PSD4: variants seen among roughly 807,000 people sequenced by gnomAD.
PSD4 encodes the protein pleckstrin and Sec7 domain containing 4.
PSD4 carries 59 observed loss-of-function variants against 112.5 expected under a neutral mutation model. That is an observed-to-expected ratio of 0.52 (90% confidence interval 0.43 to 0.65). PSD4 has a LOEUF of 0.65. PSD4 is among the 30% of genes least tolerant of loss of function. The probability of loss-of-function intolerance (pLI) is 0.00; values close to 1 mark genes in which losing one functional copy is unlikely to be tolerated. For missense variants in PSD4, 1,267 were observed against 1,352.6 expected (o/e 0.94, Z 0.99); for synonymous variants, 533 against 540.0 (o/e 0.99, Z 0.18).
At chr2:113,176,897 G>A (rs745844846) in intron 1 of PSD4, among the ~76,000 whole-genome samples, 3 of 152,166 alleles carry the variant, frequency 2.0e-5, no homozygotes, top group Non-Finnish European at 4.4e-5. Context: ...CCCTCACCTG[G>A]GTGACCGGTA....
chr2:113,182,407 C>G lies in PSD4; in HGVS notation c.-50C>G. 1 of 1,488,856 alleles carries G rather than the reference C, an allele frequency of 6.7e-7. No individual in the cohort carries two copies. Among genetic ancestry groups the G allele is most frequent in the East Asian group, 2.3e-5 (1 of 43,970 alleles). The allele number at this position is 1,488,856 out of a possible 1,614,324, so 92.2% of individuals were successfully genotyped here. A position where few individuals can be genotyped will look rare whatever the true frequency, so the allele number is the denominator to read the frequency against. ...GCTCCCCCTAGTCCACACAGTGAGACCGTGAAAGCAGATGCTCCGGGGCAC... is the reference window on the plus strand; with the variant it reads ...GCTCCCCCTAGTCCACACAGTGAGAGCGTGAAAGCAGATGCTCCGGGGCAC... On this transcript the variant is annotated 5_prime_UTR_variant, in exon 2 of 17. Transcript: ENST00000245796.
In PSD4 at chr2:113,182,395, C is replaced by T. The variant is rs1688161670; in HGVS notation, c.-62C>T. On this transcript the variant is annotated 5_prime_UTR_variant, in exon 2 of 17. Transcript: ENST00000245796. Reference sequence around the variant, plus strand: ...CCAGCGGCCAGTGCTCCCCCTAGTCCACACAGTGAGACCGTGAAAGCAGAT... The same window carrying T: ...CCAGCGGCCAGTGCTCCCCCTAGTCTACACAGTGAGACCGTGAAAGCAGAT... The T allele has an allele frequency of 6.9e-7, 1 of 1,447,764 alleles. No homozygotes were observed. 89.7% of individuals were successfully genotyped at this position (1,447,764 alleles called of 1,614,324 possible). A position where few individuals can be genotyped will look rare whatever the true frequency, so the allele number is the denominator to read the frequency against.
At chr2:113,188,886 T>A (rs1688376821) in intron 5 of PSD4, among the ~76,000 whole-genome samples, 1 of 152,230 alleles carries the variant, frequency 6.6e-6, no homozygotes, top group Non-Finnish European at 1.5e-5. Context: ...CTTTTTAACT[T>A]GAATTTTCTT....
At chr2:113,186,407 T>C (rs1688301579) in intron 5 of PSD4, 152 bp downstream of exon 5, 3 of 877,278 alleles carry the variant, frequency 3.4e-6, no homozygotes, top group Non-Finnish European at 3.4e-6. Context: ...AGGAAGAGTT[T>C]TGAGAAAGAC....
At position 113,193,896 on chromosome 2, in the gene PSD4, C is replaced by T; in HGVS notation, c.2129C>T (p.Thr710Ile). The T allele has an allele frequency of 6.2e-7, 1 of 1,614,134 alleles. No homozygotes were observed. Among genetic ancestry groups the T allele is most frequent in the Non-Finnish European group, 8.5e-7 (1 of 1,180,020 alleles). Residue 710 changes from threonine (T) to isoleucine (I), a missense_variant, in exon 10 of 17, where the codon ACC becomes ATC. Thr to Ile is a moderately conservative substitution (Grantham distance 89). Transcript: ENST00000245796. ...AGCATGAGCTGCCAGGAATTCATAA[C>T]CAACCTGAATGGGCTGAGGGATGGC... Reference protein sequence around the residue: ...GKSMSCQEFITNLNGLRDGGN... With the variant: ...GKSMSCQEFIINLNGLRDGGN...
intron 11 of PSD4, 32 bp downstream of exon 11, chr2:113,195,802 C>A (rs1317477355): frequency 1.2e-6 from 2 of 1,613,620 alleles, no homozygotes; most frequent in South Asian, 2.2e-5. Flanking sequence ...CTCTCCCTCT[C>A]ACCCCTCTCC....
chr2:113,192,522 T>C lies in PSD4; in HGVS notation c.1771T>C (p.Leu591=). The change falls in exon 6 of 17, where the codon TTG becomes CTG. Residue 591 remains leucine (L), a synonymous_variant. Transcript: ENST00000245796. ...GVRNNKVAWN[L]ASRLYRLEGF... is the part of the protein sequence containing the mutation. ...CAGGAACAACAAGGTAGCCTGGAAC[T>C]TGGCCTCACGCCTCTATCGCCTGGA... The C allele has an allele frequency of 6.2e-7, 1 of 1,614,218 alleles. No homozygotes were observed. Among genetic ancestry groups the C allele is most frequent in the Non-Finnish European group, 8.5e-7 (1 of 1,180,038 alleles).
At chr2:113,199,641 C>A (rs539518296) in intron 16 of PSD4, among the ~76,000 whole-genome samples, 12 of 152,162 alleles carry the variant, frequency 7.9e-5, no homozygotes, top group Non-Finnish European at 1.8e-4. Context: ...ATGGATGGAG[C>A]TTGTCTTCCT....
At chr2:113,185,564 C>T (rs1688275008) in intron 4 of PSD4, 124 bp downstream of exon 4, 2 of 1,577,126 alleles carry the variant, frequency 1.3e-6, no homozygotes, top group Non-Finnish European at 8.6e-7. Flanking sequence ...TGTGTTTAAG[C>T]CAGACAGACT....
chr2:113,199,993 G>A (rs542073395), intron 16 of PSD4, among the ~76,000 whole-genome samples: 2 of 151,922 alleles, frequency 1.3e-5, no homozygotes, highest in Non-Finnish European at 2.9e-5. Flanking sequence ...ACCTGGATAA[G>A]TTTTGTATTT....
rs61756444 is a variant in PSD4 at position 113,183,471 on chromosome 2, G to A, written c.1015G>A (p.Glu339Lys). ...CTGCTGGGCCTCAGTGGCTGCCGCTGAGGGGGCTCCTGCAGCACCTCCTGG... is the reference window on the plus strand; with the variant it reads ...CTGCTGGGCCTCAGTGGCTGCCGCTAAGGGGGCTCCTGCAGCACCTCCTGG... ...SICWASVAAA[E>K]GAPAAPPGHG... Residue 339 changes from glutamate (E) to lysine (K), a missense_variant, in exon 2 of 17, where the codon GAG (glutamate) becomes AAG (lysine). Transcript: ENST00000245796. The A allele has an allele frequency of 6.2e-4, 991 of 1,590,984 alleles. 5 individuals are homozygous for A. In the African/African-American group the frequency reaches 0.011, roughly 18 times the overall value.
chr2:113,183,182 G>C lies in PSD4; in HGVS notation c.726G>C (p.Glu242Asp), dbSNP rs1349492763. Reference sequence around the variant, plus strand: ...CCCCACAGTGGGGAGCTGAGGAGGAGAGCATGTTCTTCAGCAACCCCCTCT... The same window carrying C: ...CCCCACAGTGGGGAGCTGAGGAGGACAGCATGTTCTTCAGCAACCCCCTCT... ...DSSPQWGAEE[E>D]SMFFSNPLFL... The change falls in exon 2 of 17, where the codon GAG (glutamate) becomes GAC (aspartate). Residue 242 changes from glutamate (E) to aspartate (D), a missense_variant. Coordinates refer to ENST00000245796, the MANE Select transcript of PSD4 (RefSeq NM_012455.3). The C allele has an allele frequency of 1.1e-5, 18 of 1,614,110 alleles. No individual in the cohort carries two copies. The highest frequency in any genetic ancestry group is 1.3e-5 in the Non-Finnish European group (15 of 1,180,054).
chr2:113,199,372 C>T, intron 16 of PSD4, 146 bp downstream of exon 16: 5 of 1,051,502 alleles, frequency 4.8e-6, no homozygotes, highest in Non-Finnish European at 6.2e-6. Flanking sequence ...CGTGCGCCGT[C>T]TGCAAAGGGG....
intron 1 of PSD4, among the ~76,000 whole-genome samples, chr2:113,177,320 A>T (rs549536368): frequency 1.3e-5 from 2 of 152,150 alleles, no homozygotes; most frequent in Non-Finnish European, 2.9e-5. Context: ...TTGTGGAGGG[A>T]GAGTTCTGAG....
At chr2:113,176,752 T>G (rs1687991626) in intron 1 of PSD4, among the ~76,000 whole-genome samples, 2 of 152,132 alleles carry the variant, frequency 1.3e-5, no homozygotes, top group African/African-American at 4.8e-5. Context: ...AAAACACAAG[T>G]AAACCAAGAA....
At position 113,182,424 on chromosome 2, in the gene PSD4, C is replaced by A. The variant is rs372452547; in HGVS notation, c.-33C>A. Reference sequence around the variant, plus strand: ...CAGTGAGACCGTGAAAGCAGATGCTCCGGGGCACTCCTGGGCAGCTTTTGC... The same window carrying A: ...CAGTGAGACCGTGAAAGCAGATGCTACGGGGCACTCCTGGGCAGCTTTTGC... On this transcript the variant is annotated 5_prime_UTR_variant, in exon 2 of 17. Transcript: ENST00000245796. 4.1e-5 allele frequency: 63 copies of A among 1,551,436 alleles called. No individual in the cohort carries two copies. Among genetic ancestry groups the A allele is most frequent in the Non-Finnish European group, 5.1e-5 (58 of 1,140,852 alleles).
intron 1 of PSD4, among the ~76,000 whole-genome samples, chr2:113,178,959 G>T (rs1688050046): frequency 6.6e-6 from 1 of 152,130 alleles, no homozygotes; most frequent in Admixed American, 6.5e-5. Context: ...CTATGTTCTG[G>T]TACCTGTAAA....
In PSD4 at chr2:113,186,084, A is replaced by C. The variant is rs1046634265; in HGVS notation, c.1457A>C (p.Asp486Ala). Residue 486 changes from aspartate (D) to alanine (A), a missense_variant, in exon 5 of 17, where the codon GAT becomes GCT. Transcript: ENST00000245796. ...GGCATTTTGCCCAAGTGGACACTAGATGCTTCACAGTCTTCACTCTTGGAG... is the reference window on the plus strand; with the variant it reads ...GGCATTTTGCCCAAGTGGACACTAGCTGCTTCACAGTCTTCACTCTTGGAG... ...SSGILPKWTL[D>A]ASQSSLLETD... 6 of 1,614,202 alleles carry C rather than the reference A, an allele frequency of 3.7e-6. No homozygotes were observed. The Admixed American group carries it at 1.0e-4, about 27-fold the overall frequency.
intron 1 of PSD4, among the ~76,000 whole-genome samples, chr2:113,181,299 T>G (rs1490863295): frequency 1.3e-5 from 2 of 151,692 alleles, no homozygotes; most frequent in Non-Finnish European, 2.9e-5. Flanking sequence ...TACTTGACCC[T>G]GCACTTCCAC....
Sources: gnomAD v4.1 joint callset for allele counts (sites outside exome capture counted in the v4.1 genomes callset) on GRCh38, gnomAD v4.1.1 for gene constraint, MANE v1.5 for transcripts, NCBI Gene and HGNC (gene_info 2026-07-23, HGNC 2026-07-21) for gene names.